Variants in PCDH15 observed in about 807,000 individuals in gnomAD.
PCDH15 encodes protocadherin related 15, also known as protocadherin-15.
PCDH15 carries 129 observed loss-of-function variants against 178.5 expected under a neutral mutation model. The ratio of observed to expected loss-of-function variants is 0.72; its 90% CI spans 0.63 to 0.84. PCDH15 has a LOEUF of 0.84. PCDH15 is among the 40% of genes least tolerant of loss of function. PCDH15 has a pLI of 0.00. For missense variants in PCDH15, 2,230 were observed against 2,099.9 expected (o/e 1.06, Z -1.21); for synonymous variants, 800 against 732.0 (o/e 1.09, Z -1.50).
intron 2 of PCDH15, among the ~76,000 whole-genome samples, chr10:54,639,438 CA>C (rs929785567): frequency 2.6e-4 from 38 of 147,476 alleles, no homozygotes; most frequent in Middle Eastern, 3.5e-3. Context: ...CATTAAAAGG[CA>C]AAAAAAAAGG....
At chr10:54,351,407 A>G (rs1944160890) in intron 5 of PCDH15, among the ~76,000 whole-genome samples, 1 of 152,146 alleles carries the variant, frequency 6.6e-6, no homozygotes, top group South Asian at 2.1e-4. Context: ...TTGCATCCAA[A>G]AGCTCTTTAA....
intron 1 of PCDH15, among the ~76,000 whole-genome samples, chr10:55,316,779 T>C (rs1411997830): frequency 6.6e-6 from 1 of 152,200 alleles, no homozygotes; most frequent in Non-Finnish European, 1.5e-5. Context: ...TAATGTTATT[T>C]TGAAATTGAA....
chr10:55,558,460 G>A lies in PCDH15; in HGVS notation c.-156+69165C>T, dbSNP rs77821360. Among the ~76,000 whole-genome samples the A allele has an allele frequency of 8.9e-4, 136 of 152,114 alleles. 1 individual carries two copies. The East Asian group carries it at 0.022, about 25-fold the overall frequency. On this transcript the variant is annotated intron_variant, in intron 2 of 5. Transcript: ENST00000613346. Reference sequence around the variant, plus strand: ...CTTGAGCTGCTGAACAAGATCCTGCGCAATACTGCATTAACTCAAAGAACT... The same window carrying A: ...CTTGAGCTGCTGAACAAGATCCTGCACAATACTGCATTAACTCAAAGAACT...
At chr10:55,111,009 T>C (rs1252080037) in intron 2 of PCDH15, among the ~76,000 whole-genome samples, 1 of 152,086 alleles carries the variant, frequency 6.6e-6, no homozygotes, top group Admixed American at 6.5e-5. Context: ...TATAAATGAG[T>C]TTAAAACTTT....
intron 3 of PCDH15, among the ~76,000 whole-genome samples, chr10:54,811,160 T>A (rs1358717189): frequency 6.6e-6 from 1 of 152,008 alleles, no homozygotes; most frequent in Non-Finnish European, 1.5e-5. Flanking sequence ...TAAATATATA[T>A]ATGACAAGTG....
chr10:55,158,480 A>T (rs1838958623), intron 2 of PCDH15, among the ~76,000 whole-genome samples: 1 of 152,056 alleles, frequency 6.6e-6, no homozygotes. Flanking sequence ...AAGTTATTTC[A>T]GCCATTGATT....
chr10:55,600,166 C>A, intron 2 of PCDH15: 1 of 283,950 alleles, frequency 3.5e-6, no homozygotes, highest in Non-Finnish European at 6.6e-6. Context: ...AGATCGAGAC[C>A]ATCCTGGCTA....
intron 25 of PCDH15, among the ~76,000 whole-genome samples, chr10:53,906,311 T>G (rs2082679648): frequency 6.6e-6 from 1 of 152,168 alleles, no homozygotes; most frequent in African/African-American, 2.4e-5. Context: ...ATCCCTCCTT[T>G]GAAATGCTAT....
At chr10:53,920,788 GAAATA>G (rs938195525) in intron 25 of PCDH15, among the ~76,000 whole-genome samples, 7 of 151,924 alleles carry the variant, frequency 4.6e-5, no homozygotes, top group Admixed American at 3.9e-4. Context: ...TTTTCCTCCT[GAAATA>G]AAATAAGAAT....
At chr10:54,942,891 G>T (rs1436016877) in intron 2 of PCDH15, among the ~76,000 whole-genome samples, 1 of 151,984 alleles carries the variant, frequency 6.6e-6, no homozygotes, top group Admixed American at 6.6e-5. Flanking sequence ...CACAGATTAA[G>T]CTAAAGAGTG....
chr10:54,160,871 T>C (rs887293261), intron 13 of PCDH15, among the ~76,000 whole-genome samples: 3 of 152,166 alleles, frequency 2.0e-5, no homozygotes, highest in Non-Finnish European at 4.4e-5. Context: ...ATCTGTATAA[T>C]GGCTTTAACA....
At chr10:55,583,318 TC>T (rs1462539760) in intron 2 of PCDH15, among the ~76,000 whole-genome samples, 5 of 152,216 alleles carry the variant, frequency 3.3e-5, no homozygotes, top group Non-Finnish European at 7.3e-5. Context: ...AGTGTTTGTA[TC>T]TTTAACTCAT....
At chr10:54,417,987 G>A (rs184301392) in intron 3 of PCDH15, among the ~76,000 whole-genome samples, 11 of 152,188 alleles carry the variant, frequency 7.2e-5, no homozygotes, top group Admixed American at 1.3e-4. Context: ...AATAAAGTGC[G>A]TTACAGCTTC....
chr10:54,050,939 CT>C, intron 18 of PCDH15, among the ~76,000 whole-genome samples: 1 of 152,206 alleles, frequency 6.6e-6, no homozygotes, highest in Non-Finnish European at 1.5e-5. Flanking sequence ...TAATTGAGTT[CT>C]CAAAAGATCT....
chr10:54,012,370 T>G (rs1300574824), intron 20 of PCDH15, among the ~76,000 whole-genome samples: 1 of 152,106 alleles, frequency 6.6e-6, no homozygotes, highest in Non-Finnish European at 1.5e-5. Context: ...AAAACATATT[T>G]CAGGATATTG....
intron 2 of PCDH15, among the ~76,000 whole-genome samples, chr10:55,535,732 A>G (rs1841563297): frequency 6.6e-6 from 1 of 152,084 alleles, no homozygotes; most frequent in Non-Finnish European, 1.5e-5. Flanking sequence ...CCAGAGTGAC[A>G]ATGAAAGAAC....
At chr10:55,123,014 T>C (rs1248865090) in intron 2 of PCDH15, among the ~76,000 whole-genome samples, 1 of 152,056 alleles carries the variant, frequency 6.6e-6, no homozygotes, top group African/African-American at 2.4e-5. Context: ...TCACATTTCC[T>C]AGATTATTCA....
intron 2 of PCDH15, among the ~76,000 whole-genome samples, chr10:55,434,925 A>T (rs1839003849): frequency 6.6e-6 from 1 of 152,158 alleles, no homozygotes; most frequent in Admixed American, 6.5e-5. Context: ...ATTTAAACTC[A>T]AAACTTCTAA....
chr10:55,395,274 C>A (rs981184002), intron 2 of PCDH15, among the ~76,000 whole-genome samples: 10 of 151,214 alleles, frequency 6.6e-5, no homozygotes, highest in African/African-American at 2.2e-4. Context: ...TCTATGGGTT[C>A]TAACTTTAAT....
Sources: allele counts gnomAD v4.1 joint callset (sites outside exome capture counted in the v4.1 genomes callset), GRCh38; gene constraint gnomAD v4.1.1; transcripts MANE v1.5; gene names NCBI Gene and HGNC (gene_info 2026-07-23, HGNC 2026-07-21).